Variants in CCDC3 observed in about 807,000 individuals in gnomAD.
CCDC3 encodes the protein coiled-coil domain-containing protein 3.
CCDC3 carries 24 observed loss-of-function variants against 21.4 expected under a neutral mutation model. The ratio of observed to expected loss-of-function variants is 1.12; its 90% CI spans 0.81 to 1.58. CCDC3 has a LOEUF of 1.58. CCDC3 is among the 40% of genes most tolerant of loss of function. CCDC3 has a pLI of 0.00. For missense variants in CCDC3, 425 were observed against 360.9 expected, an observed-to-expected ratio of 1.18 and a Z score of -1.44; for synonymous variants, 186 against 166.0, an observed-to-expected ratio of 1.12 and a Z score of -0.93.
At chr10:12,985,037 C>A (rs955931939) in intron 2 of CCDC3, among the ~76,000 whole-genome samples, 3 of 152,146 alleles carry the variant, frequency 2.0e-5, no homozygotes, top group African/African-American at 7.2e-5. Flanking sequence ...CAGTTAGAGA[C>A]TCAACTGTTT....
At chr10:13,043,518 A>G (rs967125594) in intron 5 of CCDC3, among the ~76,000 whole-genome samples, 3 of 152,126 alleles carry the variant, frequency 2.0e-5, no homozygotes, top group Admixed American at 6.5e-5. Context: ...GCCTGAACCC[A>G]GGAGGTGGAG....
chr10:12,916,031 C>T (rs917038430), intron 2 of CCDC3, among the ~76,000 whole-genome samples: 1 of 152,074 alleles, frequency 6.6e-6, no homozygotes, highest in Non-Finnish European at 1.5e-5. Context: ...TTCTCAAGGA[C>T]AGGCCAAGCA....
Position 12,998,321 on chromosome 10 carries a change from A to G in CCDC3, c.549+17T>C, listed in dbSNP as rs1434443375. ...TACTATTGTTTTGCTGTGGCACAGG[A>G]TTTAGCCAATTCTTACCCTACTGTC... is the stretch of plus-strand genomic sequence containing the variant. On this transcript the variant is annotated intron_variant, in intron 2 of 2. Transcript: ENST00000378825. The G allele has an allele frequency of 6.2e-7, 1 of 1,611,336 alleles. No individual in the cohort carries two copies. Among genetic ancestry groups the G allele is most frequent in the Non-Finnish European group, 8.5e-7 (1 of 1,178,812 alleles).
chr10:13,053,856 A>G (rs1179288102), intron 4 of CCDC3, among the ~76,000 whole-genome samples: 1 of 152,104 alleles, frequency 6.6e-6, no homozygotes, highest in African/African-American at 2.4e-5. Flanking sequence ...GGCAGTAGTG[A>G]GCCATGCACG....
intron 5 of CCDC3, among the ~76,000 whole-genome samples, chr10:13,008,965 C>A (rs1226472288): frequency 1.3e-5 from 2 of 151,926 alleles, no homozygotes; most frequent in African/African-American, 2.4e-5. Flanking sequence ...TAAAAAGCAT[C>A]CAGATTGGAA....
intron 1 of CCDC3, 122 bp downstream of exon 1, chr10:13,001,075 G>A (rs1399429614): frequency 8.5e-6 from 11 of 1,287,904 alleles, no homozygotes; most frequent in Non-Finnish European, 1.2e-5. Context: ...AGGCGCCCCA[G>A]GGGCATTCTC....
chr10:12,905,251 G>C (rs1011164623), intron 2 of CCDC3, among the ~76,000 whole-genome samples: 1 of 152,202 alleles, frequency 6.6e-6, no homozygotes, highest in African/African-American at 2.4e-5. Context: ...CTGTTTTTGT[G>C]AATAAAGTTT....
intron 4 of CCDC3, among the ~76,000 whole-genome samples, chr10:13,069,555 T>C (rs1313085510): frequency 6.6e-6 from 1 of 152,172 alleles, no homozygotes; most frequent in Non-Finnish European, 1.5e-5. Flanking sequence ...CTTCCCAAAA[T>C]CAAACTTCAG....
At chr10:12,971,956 C>T (rs1485179526) in intron 2 of CCDC3, among the ~76,000 whole-genome samples, 1 of 151,880 alleles carries the variant, frequency 6.6e-6, no homozygotes, top group Non-Finnish European at 1.5e-5. Context: ...CAAAGTGCTG[C>T]GATTACAGGT....
intron 2 of CCDC3, among the ~76,000 whole-genome samples, chr10:12,918,820 G>A (rs1031802157): frequency 1.2e-4 from 19 of 152,172 alleles, no homozygotes; most frequent in South Asian, 4.1e-4. Flanking sequence ...TTGGGAGGCC[G>A]AGGCAGGTGG....
chr10:13,037,878 T>C (rs1017509809), intron 5 of CCDC3, among the ~76,000 whole-genome samples: 1 of 151,892 alleles, frequency 6.6e-6, no homozygotes, highest in Non-Finnish European at 1.5e-5. Flanking sequence ...TGAAACTGGA[T>C]GGCATACACC....
chr10:13,060,502 A>G (rs1164438347), intron 4 of CCDC3, among the ~76,000 whole-genome samples: 3 of 152,150 alleles, frequency 2.0e-5, no homozygotes, highest in Admixed American at 6.5e-5. Context: ...ACAGAATGCC[A>G]AAGAGTATCT....
intron 2 of CCDC3, among the ~76,000 whole-genome samples, chr10:12,920,200 C>T (rs540798727): frequency 6.6e-6 from 1 of 152,228 alleles, no homozygotes; most frequent in Admixed American, 6.5e-5. Flanking sequence ...TACATGGCGG[C>T]AGGCACGAGA....
intron 4 of CCDC3, among the ~76,000 whole-genome samples, chr10:13,054,499 C>T (rs2131427697): frequency 6.6e-6 from 1 of 152,226 alleles, no homozygotes; most frequent in African/African-American, 2.4e-5. Flanking sequence ...TCCATGATGG[C>T]AGGAATTGCA....
intron 2 of CCDC3, among the ~76,000 whole-genome samples, chr10:12,901,916 C>T (rs1564276307): frequency 6.6e-6 from 1 of 152,206 alleles, no homozygotes; most frequent in Non-Finnish European, 1.5e-5. Context: ...CCGCCTGGAG[C>T]ACTGTTCTCC....
Position 12,973,826 on chromosome 10 carries a change from G to A in CCDC3, c.549+24512C>T, listed in dbSNP as rs1026449680. ...TCCCCACAGCCTCTTGCATGACCCT[G>A]GCTTTTCTTGCCACACAAGTAGTGT... On this transcript the variant is annotated intron_variant, in intron 2 of 2. Coordinates refer to ENST00000378825, the MANE Select transcript of CCDC3 (RefSeq NM_031455.4). Among the ~76,000 whole-genome samples, 7 of 152,178 alleles carry A rather than the reference G, an allele frequency of 4.6e-5. No homozygotes were observed. The South Asian group carries it at 1.4e-3, about 32-fold the overall frequency.
chr10:13,001,400 G>A lies in CCDC3; in HGVS notation c.171C>T (p.Gly57=), dbSNP rs201457224. 538 of 1,571,292 alleles carry A rather than the reference G, an allele frequency of 3.4e-4. 5 individuals are homozygous for A. The African/African-American group carries it at 6.4e-3, about 19-fold the overall frequency. Residue 57 remains glycine, a synonymous_variant, in exon 1 of 3, where the codon GGC becomes GGT. Coordinates refer to ENST00000378825, the MANE Select transcript of CCDC3 (RefSeq NM_031455.4). ...ACTGCCAGGGCAGGTGGTTGTAGAGGCCGGGCGCCTCGGGGTGCAGCGCCA... is the reference window on the plus strand; with the variant it reads ...ACTGCCAGGGCAGGTGGTTGTAGAGACCGGGCGCCTCGGGGTGCAGCGCCA... The part of the protein sequence containing the change: ...RVLALHPEAP[G]LYNHLPWQYH...
rs58280295 is a variant in CCDC3, at chr10:13,085,505, G to A, written c.-502-11405C>T. Among the ~76,000 whole-genome samples the A allele has an allele frequency of 3.8e-3, 572 of 152,304 alleles. 2 individuals carry two copies. The highest frequency in any genetic ancestry group is 0.013 in the African/African-American group (534 of 41,576). ...AAGCATTCAGGAAGCACTGAAATCC[G>A]TGACCCCATCCCCACCTCCGTTGTG... On this transcript the variant is annotated intron_variant, in intron 3 of 6. Coordinates refer to the CCDC3 transcript ENST00000378839.
At chr10:13,040,206 T>C (rs1440761728) in intron 5 of CCDC3, among the ~76,000 whole-genome samples, 3 of 151,950 alleles carry the variant, frequency 2.0e-5, no homozygotes, top group Non-Finnish European at 2.9e-5. Flanking sequence ...CATTTGCAAG[T>C]TTTTCACGAT....
Sources: allele counts gnomAD v4.1 joint callset (sites outside exome capture counted in the v4.1 genomes callset), GRCh38; gene constraint gnomAD v4.1.1; transcripts MANE v1.5; gene names NCBI Gene and HGNC (gene_info 2026-07-23, HGNC 2026-07-21).